The following CDKL2 variants were observed in gnomAD, a reference collection of about 807,000 sequenced individuals.
CDKL2 encodes cyclin-dependent kinase-like 2.
Under a neutral mutation model 63.9 loss-of-function variants are expected in CDKL2, and 64 were observed. The observed-to-expected ratio is 1.00, with a 90% CI of 0.82 to 1.23. The LOEUF (loss-of-function observed/expected upper bound fraction) is 1.23. CDKL2 is among the 50% of genes most tolerant of loss of function. The probability of loss-of-function intolerance (pLI) is 0.00; values close to 1 mark genes in which losing one functional copy is unlikely to be tolerated. For synonymous variants in CDKL2, 211 were observed against 229.2 expected (o/e 0.92, Z 0.72); for missense variants, 656 against 668.0 (o/e 0.98, Z 0.20).
intron 7 of CDKL2, 31 bp downstream of exon 7, chr4:75,600,250 A>T (rs1729121076): frequency 7.3e-7 from 1 of 1,378,698 alleles, no homozygotes; most frequent in Non-Finnish European, 1.0e-6. Context: ...CTAGGTTGGT[A>T]TGGCCTGAAA....
intron 9 of CDKL2, among the ~76,000 whole-genome samples, chr4:75,596,620 C>T (rs1326163031): frequency 1.3e-5 from 2 of 152,182 alleles, no homozygotes; most frequent in Admixed American, 6.5e-5. Flanking sequence ...ACAGTCACAC[C>T]ATGCAGCAGC....
intron 12 of CDKL2, among the ~76,000 whole-genome samples, chr4:75,590,897 A>G (rs1181614370): frequency 6.6e-6 from 1 of 152,218 alleles, no homozygotes; most frequent in African/African-American, 2.4e-5. Flanking sequence ...GTAAAAGGAA[A>G]GTACAATGTC....
chr4:75,620,781 G>T (rs1381678937), intron 2 of CDKL2, among the ~76,000 whole-genome samples: 2 of 152,158 alleles, frequency 1.3e-5, no homozygotes, highest in African/African-American at 4.8e-5. Flanking sequence ...GGCCGTGAAG[G>T]TGAAAAGAAG....
intron 10 of CDKL2, among the ~76,000 whole-genome samples, chr4:75,593,944 C>T (rs1728809899): frequency 6.6e-6 from 1 of 152,068 alleles, no homozygotes; most frequent in Non-Finnish European, 1.5e-5. Context: ...GAAAAGCATT[C>T]ATTCATTCAG....
In CDKL2 at chr4:75,605,507, G is replaced by T. The variant is rs1729383441; in HGVS notation, c.655+15C>A. On this transcript the variant is annotated intron_variant, in intron 5 of 13. Coordinates refer to ENST00000307465, the MANE Select transcript of CDKL2 (RefSeq NM_001330724.2). ...AAAAATCTCTAAAATTTAAAATGCA[G>T]ATGTGTAACCTTACCTAAACACATC... The T allele has an allele frequency of 7.0e-7, 1 of 1,418,642 alleles. No individual in the cohort carries two copies. The highest frequency in any genetic ancestry group is 1.8e-5 in the Admixed American group (1 of 54,128). 87.9% of individuals were successfully genotyped at this position (1,418,642 alleles called of 1,614,324 possible).
intron 3 of CDKL2, among the ~76,000 whole-genome samples, chr4:75,609,782 G>A (rs1267644216): frequency 6.6e-6 from 1 of 151,626 alleles, no homozygotes; most frequent in Non-Finnish European, 1.5e-5. Flanking sequence ...AACTCTTTCG[G>A]AAGACCAGCA....
At chr4:75,610,092 C>T (rs1024435746) in intron 3 of CDKL2, among the ~76,000 whole-genome samples, 36 of 152,072 alleles carry the variant, frequency 2.4e-4, no homozygotes, top group African/African-American at 7.2e-4. Flanking sequence ...GTCCCAGCTA[C>T]TCGGGAGGCT....
chr4:75,594,242 G>A (rs955367920), intron 10 of CDKL2, among the ~76,000 whole-genome samples: 1 of 152,124 alleles, frequency 6.6e-6, no homozygotes, highest in African/African-American at 2.4e-5. Flanking sequence ...GAGGTCAGGA[G>A]TTCGAAACCA....
At chr4:75,584,520 T>C (rs1453551456) in intron 12 of CDKL2, among the ~76,000 whole-genome samples, 1 of 152,204 alleles carries the variant, frequency 6.6e-6, no homozygotes, top group African/African-American at 2.4e-5. Context: ...AGCTGTGCCC[T>C]AGCTCCTGAC....
At chr4:75,603,011 G>A (rs1215811762) in intron 6 of CDKL2, among the ~76,000 whole-genome samples, 6 of 22,806 alleles carry the variant, frequency 2.6e-4, no homozygotes, top group Admixed American at 2.1e-3. Flanking sequence ...TTTTTTTTTT[G>A]AGACGGAGTC....
intron 4 of CDKL2, among the ~76,000 whole-genome samples, chr4:75,606,427 C>T (rs1729429000): frequency 6.6e-6 from 1 of 152,160 alleles, no homozygotes; most frequent in African/African-American, 2.4e-5. Context: ...GTTGGTCAGG[C>T]TGGTCTTGAA....
rs144413291 is a variant in CDKL2 at position 75,604,058 on chromosome 4, T to C, written c.656-102A>G. On this transcript the variant is annotated intron_variant, in intron 5 of 13. Transcript: ENST00000307465. ...AGAGGAAATAGTGGAACACAGCTTA[T>C]GGAGTTTGGGGCTCTCTCAACATGC... 1.0e-5 allele frequency: 12 copies of C among 1,151,498 alleles called. No homozygotes were observed. The African/African-American group carries it at 1.2e-4, about 12-fold the overall frequency. 71.3% of individuals were successfully genotyped at this position (1,151,498 alleles called of 1,614,324 possible).
chr4:75,610,522 T>C (rs562192083), intron 3 of CDKL2, among the ~76,000 whole-genome samples: 58 of 152,236 alleles, frequency 3.8e-4, no homozygotes, highest in Middle Eastern at 3.4e-3. Flanking sequence ...TCTTTAATAC[T>C]AGATATAACC....
At chr4:75,604,554 CG>C (rs1729341573) in intron 5 of CDKL2, among the ~76,000 whole-genome samples, 1 of 152,134 alleles carries the variant, frequency 6.6e-6, no homozygotes, top group South Asian at 2.1e-4. Flanking sequence ...TTTCAACAAA[CG>C]TAAGATTTTG....
Position 75,625,818 on chromosome 4 carries a change from C to T in CDKL2, c.168+3G>A, listed in dbSNP as rs2148916821. On this transcript the variant is annotated splice_donor_region_variant and intron_variant, in intron 2 of 13. Coordinates refer to ENST00000307465, the MANE Select transcript of CDKL2 (RefSeq NM_001330724.2). ...TTTTGATTCAATATATGCATTTACT[C>T]ACCTTTAGTAACTTGATTTCTCGCA... is the stretch of plus-strand genomic sequence containing the variant. 6.2e-7 allele frequency: 1 copy of T among 1,604,288 alleles called. No homozygotes were observed. The highest frequency in any genetic ancestry group is 2.2e-5 in the East Asian group (1 of 44,744).
intron 6 of CDKL2, among the ~76,000 whole-genome samples, chr4:75,603,149 G>A (rs1241267757): frequency 9.2e-4 from 138 of 149,940 alleles, no homozygotes; most frequent in African/African-American, 3.0e-3. Flanking sequence ...ACAGGCGCCC[G>A]CCACCGCGCC....
intron 9 of CDKL2, 119 bp downstream of exon 9, chr4:75,596,816 C>A (rs1242975240): frequency 2.3e-6 from 2 of 853,924 alleles, no homozygotes; most frequent in African/African-American, 3.4e-5. Flanking sequence ...AGCTACCTGA[C>A]AAGAATGAAT....
chr4:75,610,885 A>G (rs1729659205), intron 3 of CDKL2, among the ~76,000 whole-genome samples: 1 of 152,182 alleles, frequency 6.6e-6, no homozygotes, highest in Admixed American at 6.5e-5. Flanking sequence ...TACCGTTATT[A>G]TCTGTCTACA....
chr4:75,611,450 TTC>T (rs1729686524), intron 3 of CDKL2, among the ~76,000 whole-genome samples: 1 of 121,356 alleles, frequency 8.2e-6, no homozygotes, highest in Non-Finnish European at 1.7e-5. Flanking sequence ...CAGAGTGAGA[TTC>T]TGTCTCAAAA....
Sources: gnomAD v4.1 joint callset for allele counts (sites outside exome capture counted in the v4.1 genomes callset) on GRCh38, gnomAD v4.1.1 for gene constraint, MANE v1.5 for transcripts, NCBI Gene and HGNC (gene_info 2026-07-23, HGNC 2026-07-21) for gene names.